EDN3: variants seen among roughly 807,000 people sequenced by gnomAD.
The protein encoded by EDN3 is endothelin 3, also known as endothelin-3.
In EDN3, 9 loss-of-function variants were observed where a neutral mutation model predicts 21.4. That is an observed-to-expected ratio of 0.42 (90% CI 0.25 to 0.73). EDN3 has a LOEUF of 0.73. EDN3 is among the 30% of genes least tolerant of loss of function. The pLI, the probability that EDN3 is intolerant of heterozygous loss-of-function variation, is 0.26. For missense variants in EDN3, 327 were observed against 309.4 expected, an observed-to-expected ratio of 1.06 and a Z score of -0.43; for synonymous variants, 133 against 126.2, an observed-to-expected ratio of 1.05 and a Z score of -0.36.
chr20:59,319,347 C>T (rs192008359), intron 2 of EDN3, among the ~76,000 whole-genome samples: 1 of 152,230 alleles, frequency 6.6e-6, no homozygotes, highest in Non-Finnish European at 1.5e-5. Flanking sequence ...CCCAATTTGC[C>T]CTCACTGTCG....
rs374488792 is a variant in EDN3 at position 59,324,487 on chromosome 20, C to T, written c.*28C>T. On this transcript the variant is annotated 3_prime_UTR_variant, in exon 5 of 5. Coordinates refer to ENST00000337938, the MANE Select transcript of EDN3 (RefSeq NM_207034.3). ...GGACAGGCCTGCAGCATCCTGGTCT[C>T]GGGAGGCTTCTGTCATTGCTCACAC... 308 of 1,613,814 alleles carry T rather than the reference C, an allele frequency of 1.9e-4. No individual in the cohort carries two copies. In the African/African-American group the frequency reaches 3.1e-3, roughly 16 times the overall value.
At chr20:59,308,613 C>T (rs148885949) in intron 2 of EDN3, among the ~76,000 whole-genome samples, 30 of 152,324 alleles carry the variant, frequency 2.0e-4, no homozygotes, top group African/African-American at 7.2e-4. Context: ...ATAGATAGCA[C>T]TCTATGAGGA....
At chr20:59,306,602 A>T (rs1241923383) in intron 2 of EDN3, among the ~76,000 whole-genome samples, 1 of 112,286 alleles carries the variant, frequency 8.9e-6, no homozygotes, top group South Asian at 3.4e-4. Context: ...GAGTAAAAAA[A>T]AAAAAAAAAA....
Position 59,324,794 on chromosome 20 carries a change from T to C in EDN3, c.*335T>C. 1 of 397,548 alleles carries C rather than the reference T, an allele frequency of 2.5e-6. No homozygotes were observed. 24.6% of individuals were successfully genotyped at this position (397,548 alleles called of 1,614,324 possible). On this transcript the variant is annotated 3_prime_UTR_variant, in exon 5 of 5. Coordinates refer to ENST00000337938, the MANE Select transcript of EDN3 (RefSeq NM_207034.3). The stretch of plus-strand genomic sequence containing the variant: ...GACTTCTCTTGGAGAATAAGTGGAC[T>C]CCAAGCTAACTCTTTGCAAATGTAA...
rs377748267 is a variant in EDN3, at chr20:59,311,424, C to T, written c.366-9593C>T. On this transcript the variant is annotated intron_variant, in intron 2 of 4. Coordinates refer to ENST00000337938, the MANE Select transcript of EDN3 (RefSeq NM_207034.3). Reference sequence around the variant, plus strand: ...ATTGAGTATACTTACAGTTATTTTTCGATCCTATGCTAAACAAGGGGTGGG... The same window carrying T: ...ATTGAGTATACTTACAGTTATTTTTTGATCCTATGCTAAACAAGGGGTGGG... 2.6e-5 allele frequency among the ~76,000 whole-genome samples: 4 copies of T among 152,256 alleles called. No individual in the cohort carries two copies. The East Asian group carries it at 7.7e-4, about 29-fold the overall frequency.
chr20:59,324,926 C>T lies in EDN3; in HGVS notation c.*467C>T, dbSNP rs143382055. Reference sequence around the variant, plus strand: ...GCATGGTGTATGTCAGTGAGGGCCACGAGGCGTCGGCTTTAGACACAGATC... The same window carrying T: ...GCATGGTGTATGTCAGTGAGGGCCATGAGGCGTCGGCTTTAGACACAGATC... On this transcript the variant is annotated 3_prime_UTR_variant, in exon 5 of 5. Transcript: ENST00000337938. 11 of 219,154 alleles carry T rather than the reference C, an allele frequency of 5.0e-5. No individual in the cohort carries two copies. Among genetic ancestry groups the T allele is most frequent in the Non-Finnish European group, 9.3e-5 (10 of 107,984 alleles). The allele number at this position is 219,154 out of a possible 1,614,324, so 13.6% of individuals were successfully genotyped here.
chr20:59,321,587 G>T (rs1465752386), intron 3 of EDN3, among the ~76,000 whole-genome samples: 4 of 151,680 alleles, frequency 2.6e-5, no homozygotes, highest in Admixed American at 6.6e-5. Context: ...CCCATGATAA[G>T]AGTGCAAAAG....
Position 59,324,409 on chromosome 20 carries a change from C to G in EDN3, c.667C>G (p.Leu223Val). Residue 223 changes from leucine to valine, a missense_variant, in exon 5 of 5, where the codon CTC becomes GTC. Physicochemically the swap from Leu to Val is conservative, Grantham distance 32. Coordinates refer to ENST00000337938, the MANE Select transcript of EDN3 (RefSeq NM_207034.3). ...PKLMPGSGLALAPSTCPRCLF... is the reference protein window; with the variant it reads ...PKLMPGSGLAVAPSTCPRCLF... ...GCTCATGCCCGGCAGTGGACTCGCC[C>G]TCGCTCCATCTACCTGCCCCCGCTG... is the stretch of plus-strand genomic sequence containing the variant. The G allele has an allele frequency of 6.2e-7, 1 of 1,614,190 alleles. No homozygotes were observed. Among genetic ancestry groups the G allele is most frequent in the Non-Finnish European group, 8.5e-7 (1 of 1,180,036 alleles).
Position 59,301,601 on chromosome 20 carries a change from G to A in EDN3, c.244G>A (p.Glu82Lys), listed in dbSNP as rs370091378. The A allele has an allele frequency of 2.3e-5, 37 of 1,613,930 alleles. No homozygotes were observed. Among genetic ancestry groups the A allele is most frequent in the Middle Eastern group, 1.6e-4 (1 of 6,084 alleles). Reference protein sequence around the residue: ...QGPSPGSPGQEQAAEGAPEHH... With the variant: ...QGPSPGSPGQKQAAEGAPEHH... The stretch of plus-strand genomic sequence containing the variant: ...TCCAAGCCCTGGAAGCCCTGGGCAG[G>A]AGCAGGCGGCCGAGGGGGCCCCTGA... Residue 82 changes from glutamate (E) to lysine (K), a missense_variant, in exon 2 of 5, where the codon GAG becomes AAG. Transcript: ENST00000337938.
chr20:59,319,857 G>A (rs984955479), intron 2 of EDN3, among the ~76,000 whole-genome samples: 1 of 152,228 alleles, frequency 6.6e-6, no homozygotes, highest in African/African-American at 2.4e-5. Flanking sequence ...AACCAAGGTG[G>A]TTCATCTCTG....
In EDN3 at chr20:59,322,456, A is replaced by T; in HGVS notation, c.588+39A>T. The T allele has an allele frequency of 1.2e-6, 2 of 1,614,080 alleles. No individual in the cohort carries two copies. Among genetic ancestry groups the T allele is most frequent in the Non-Finnish European group, 1.7e-6 (2 of 1,179,920 alleles). On this transcript the variant is annotated intron_variant, in intron 4 of 4. Coordinates refer to ENST00000337938, the MANE Select transcript of EDN3 (RefSeq NM_207034.3). The surrounding 1 kb of genome is among the most constrained non-coding windows in gnomAD (Gnocchi z 4.1). Reference sequence around the variant, plus strand: ...ACAGAGGCCTGTGTCAAAGGAGGTGAAGATGTGACGTGTCATTCCTTCGGG... The same window carrying T: ...ACAGAGGCCTGTGTCAAAGGAGGTGTAGATGTGACGTGTCATTCCTTCGGG...
intron 2 of EDN3, among the ~76,000 whole-genome samples, chr20:59,310,957 G>T (rs1401892222): frequency 3.3e-5 from 5 of 152,022 alleles, no homozygotes; most frequent in Non-Finnish European, 4.4e-5. Flanking sequence ...GGGTGAGTGA[G>T]GCACTCCCTC....
chr20:59,309,707 C>T (rs926632), intron 2 of EDN3, among the ~76,000 whole-genome samples: 94,231 of 151,868 alleles, frequency 0.62, 30,731 homozygotes, highest in East Asian at 0.85. Flanking sequence ...GAACACTGGA[C>T]GGCAAGATAC....
At chr20:59,314,601 G>A (rs2146856431) in intron 2 of EDN3, among the ~76,000 whole-genome samples, 1 of 152,270 alleles carries the variant, frequency 6.6e-6, no homozygotes, top group African/African-American at 2.4e-5. Flanking sequence ...CCCCTCTTAG[G>A]AGTCTTGGGA....
chr20:59,311,909 G>T (rs924751893), intron 2 of EDN3, among the ~76,000 whole-genome samples: 6 of 152,184 alleles, frequency 3.9e-5, no homozygotes, highest in Admixed American at 3.9e-4. Flanking sequence ...CGGTCATTGT[G>T]ATGGTAAGCA....
In EDN3 at chr20:59,305,361, G is replaced by A. The variant is rs73145237; in HGVS notation, c.365+3639G>A. Among the ~76,000 whole-genome samples the A allele has an allele frequency of 2.0e-5, 3 of 152,328 alleles. No individual in the cohort carries two copies. Among genetic ancestry groups the A allele is most frequent in the Non-Finnish European group, 4.4e-5 (3 of 68,026 alleles). Reference sequence around the variant, plus strand: ...GGGACAGGTGGTGAACAAGGGGTCCGTGTGCTGATGTCCTTGTACACTGCG... The same window carrying A: ...GGGACAGGTGGTGAACAAGGGGTCCATGTGCTGATGTCCTTGTACACTGCG... On this transcript the variant is annotated intron_variant, in intron 2 of 4. Coordinates refer to ENST00000337938, the MANE Select transcript of EDN3 (RefSeq NM_207034.3). The surrounding 1 kb of genome is among the most constrained non-coding windows in gnomAD (Gnocchi z 4.2).
rs896308632 is a variant in EDN3 at position 59,324,688 on chromosome 20, G to A, written c.*229G>A. On this transcript the variant is annotated 3_prime_UTR_variant, in exon 5 of 5. Transcript: ENST00000337938. ...TCCCAGATGTGCCCCAGAGCATGAC[G>A]CCTGCAGCTCCGGTTTCATGCAGGA... The A allele has an allele frequency of 4.5e-5, 27 of 602,708 alleles. No homozygotes were observed. The highest frequency in any genetic ancestry group is 8.1e-5 in the South Asian group (4 of 49,264). 37.3% of individuals were successfully genotyped at this position (602,708 alleles called of 1,614,324 possible).
Position 59,324,773 on chromosome 20 carries a change from T to G in EDN3, c.*314T>G. ...CCACTTACTGGCTTTTGACATGACTTCTCTTGGAGAATAAGTGGACTCCAA... is the reference window on the plus strand; with the variant it reads ...CCACTTACTGGCTTTTGACATGACTGCTCTTGGAGAATAAGTGGACTCCAA... On this transcript the variant is annotated 3_prime_UTR_variant, in exon 5 of 5. Coordinates refer to ENST00000337938, the MANE Select transcript of EDN3 (RefSeq NM_207034.3). 2.3e-6 allele frequency: 1 copy of G among 432,852 alleles called. No individual in the cohort carries two copies. The allele number at this position is 432,852 out of a possible 1,614,324, so 26.8% of individuals were successfully genotyped here. A position where few individuals can be genotyped will look rare whatever the true frequency, so the allele number is the denominator to read the frequency against.
chr20:59,311,337 T>C (rs952975336), intron 2 of EDN3, among the ~76,000 whole-genome samples: 4 of 152,086 alleles, frequency 2.6e-5, no homozygotes, highest in Non-Finnish European at 5.9e-5. Flanking sequence ...AAAGCAAATG[T>C]ATTAGAGAAG....
Sources: gnomAD v4.1 joint callset for allele counts (sites outside exome capture counted in the v4.1 genomes callset) on GRCh38, gnomAD v4.1.1 for gene constraint, Gnocchi (gnomAD v3.1) non-coding constraint, MANE v1.5 for transcripts, NCBI Gene and HGNC (gene_info 2026-07-23, HGNC 2026-07-21) for gene names.